The following IL1RAPL1 variants were observed in gnomAD, a reference collection of about 807,000 sequenced individuals.
The protein encoded by IL1RAPL1 is interleukin-1 receptor accessory protein-like 1.
A neutral mutation model predicts 48.4 loss-of-function variants in IL1RAPL1; 3 were observed. That is an observed-to-expected ratio of 0.06 (90% confidence interval 0.03 to 0.16). IL1RAPL1 has a LOEUF of 0.16. Among genes scored for constraint, IL1RAPL1 ranks in the 10% least tolerant of loss-of-function variants. The pLI is 1.00. For synonymous variants in IL1RAPL1, 185 were observed against 187.7 expected (o/e 0.99, Z 0.12); for missense variants, 349 against 530.6 (o/e 0.66, Z 3.36).
chrX:29,293,259 C>T (rs1250244101), intron 3 of IL1RAPL1, among the ~76,000 whole-genome samples: 2 of 108,375 alleles, frequency 1.8e-5, no homozygotes, highest in African/African-American at 6.7e-5. Context: ...CTAGGAAATA[C>T]ATGTCTTCAA....
At chrX:29,025,615 C>T (rs1199594065) in intron 2 of IL1RAPL1, among the ~76,000 whole-genome samples, 2 of 111,397 alleles carry the variant, frequency 1.8e-5, no homozygotes, top group African/African-American at 6.5e-5. Flanking sequence ...ACTTGAGTAT[C>T]CTTGAAATCC....
chrX:29,038,036 G>A (rs1926766547), intron 2 of IL1RAPL1, among the ~76,000 whole-genome samples: 2 of 110,291 alleles, frequency 1.8e-5, no homozygotes, highest in African/African-American at 6.6e-5. Flanking sequence ...GCTTCACTCT[G>A]CTCACACTCA....
intron 5 of IL1RAPL1, among the ~76,000 whole-genome samples, chrX:29,622,909 A>G (rs1045523832): frequency 1.8e-5 from 2 of 110,768 alleles, no homozygotes; most frequent in African/African-American, 3.3e-5. Flanking sequence ...TAGTTCTGTC[A>G]TTAGCTCTTT....
intron 2 of IL1RAPL1, among the ~76,000 whole-genome samples, chrX:28,798,944 A>C (rs886881937): frequency 1.8e-5 from 2 of 112,098 alleles, no homozygotes; most frequent in Admixed American, 1.9e-4. Flanking sequence ...TGCACTCCAC[A>C]CATATACTTT....
At position 29,605,458 on chromosome X, in the gene IL1RAPL1, ATT is replaced by A. The variant is rs367980309; in HGVS notation, c.704-62964_704-62963del. ...TTGTTATTGAGTATTATTCACCTAC[ATT>A]TTTTTTTAATGTGCTTGTTTGGTTT... On this transcript the variant is annotated intron_variant, in intron 5 of 10. Transcript: ENST00000378993. Among the ~76,000 whole-genome samples, 8 of 108,621 alleles carry A rather than the reference ATT, an allele frequency of 7.4e-5. No homozygotes were observed. The East Asian group carries it at 2.3e-3, about 31-fold the overall frequency. The allele number at this position is 108,621 out of a possible 115,157, so 94.3% of individuals were successfully genotyped here.
intron 2 of IL1RAPL1, among the ~76,000 whole-genome samples, chrX:29,104,793 C>T (rs1928415913): frequency 9.0e-6 from 1 of 111,124 alleles, no homozygotes; most frequent in Non-Finnish European, 1.9e-5. Flanking sequence ...AATCTAAAGG[C>T]AGGCATATGA....
At position 28,830,992 on chromosome X, in the gene IL1RAPL1, T is replaced by TTCTCTCTCTCTCTCTC. The variant is rs1160527555; in HGVS notation, c.82+41587_82+41602dup. Among the ~76,000 whole-genome samples, 51 of 16,045 alleles carry TTCTCTCTCTCTCTCTC rather than the reference T, an allele frequency of 3.2e-3. 1 individual carries two copies. The highest frequency in any genetic ancestry group is 4.1e-3 in the Non-Finnish European group (37 of 8,973). The allele number at this position is 16,045 out of a possible 115,157, so 13.9% of individuals were successfully genotyped here. On this transcript the variant is annotated intron_variant, in intron 2 of 10. Coordinates refer to ENST00000378993, the MANE Select transcript of IL1RAPL1 (RefSeq NM_014271.4). Reference sequence around the variant, plus strand: ...AATTCTCCCAACCTTTGCCCAGGGTTTCTCTCTCTCTCTCTCTCTCTCTCT... The same window carrying TTCTCTCTCTCTCTCTC: ...AATTCTCCCAACCTTTGCCCAGGGTTTCTCTCTCTCTCTCTCTCTCTCTCTCTCTCTCTCTCTCTCT...
chrX:29,419,573 G>A (rs1001507009), intron 5 of IL1RAPL1, among the ~76,000 whole-genome samples: 6 of 111,279 alleles, frequency 5.4e-5, no homozygotes, highest in Non-Finnish European at 7.5e-5. Context: ...CACCTGCCTC[G>A]GCCTCCCAAA....
At chrX:29,138,268 C>T (rs1929170687) in intron 2 of IL1RAPL1, among the ~76,000 whole-genome samples, 1 of 111,905 alleles carries the variant, frequency 8.9e-6, no homozygotes, top group African/African-American at 3.2e-5. Flanking sequence ...TCACCCTTTA[C>T]TGCATGATAT....
intron 2 of IL1RAPL1, among the ~76,000 whole-genome samples, chrX:28,945,903 A>ATG (rs202162763): frequency 0.4 from 38,870 of 97,377 alleles, 6,315 homozygotes; most frequent in Non-Finnish European, 0.47. Flanking sequence ...ATATATATAT[A>ATG]TGTGTGTGTG....
At position 29,449,501 on chromosome X, in the gene IL1RAPL1, T is replaced by C. The variant is rs770411442; in HGVS notation, c.703+50193T>C. Among the ~76,000 whole-genome samples, 3 of 110,774 alleles carry C rather than the reference T, an allele frequency of 2.7e-5. No homozygotes were observed. The South Asian group carries it at 1.2e-3, about 43-fold the overall frequency. On this transcript the variant is annotated intron_variant, in intron 5 of 10. Transcript: ENST00000378993. ...GTTCTAGATGTGTAACTAAAAGGAA[T>C]AATTTTAACCTGATTATTTTCATCA...
intron 5 of IL1RAPL1, among the ~76,000 whole-genome samples, chrX:29,622,229 G>A (rs1924485118): frequency 8.9e-6 from 1 of 112,084 alleles, no homozygotes. Context: ...GCCTGAATGT[G>A]TTATTGTATT....
chrX:29,909,645 CACAA>C (rs1932723531), intron 6 of IL1RAPL1, among the ~76,000 whole-genome samples: 3 of 111,612 alleles, frequency 2.7e-5, no homozygotes, highest in Non-Finnish European at 5.7e-5. Context: ...TCAGTGATGA[CACAA>C]ACAAATGGAA....
At chrX:29,057,253 C>T (rs1927235759) in intron 2 of IL1RAPL1, among the ~76,000 whole-genome samples, 1 of 110,919 alleles carries the variant, frequency 9.0e-6, no homozygotes, top group Non-Finnish European at 1.9e-5. Context: ...TTATTTTTAC[C>T]TAATGCAGTT....
At chrX:28,957,434 T>C (rs892396647) in intron 2 of IL1RAPL1, among the ~76,000 whole-genome samples, 29 of 111,856 alleles carry the variant, frequency 2.6e-4, no homozygotes, top group Non-Finnish European at 2.8e-4. Flanking sequence ...ATCAAGCGCT[T>C]CTCAAGATAT....
At chrX:28,969,846 CATATATGTTTCTAAACACATAT>C (rs1925013109) in intron 2 of IL1RAPL1, among the ~76,000 whole-genome samples, 4 of 61,244 alleles carry the variant, frequency 6.5e-5, no homozygotes, top group African/African-American at 1.3e-4. Flanking sequence ...TGTTTCTAAA[CATATATGTTTCTAAACACATAT>C]ATATATGTTT....
intron 5 of IL1RAPL1, among the ~76,000 whole-genome samples, chrX:29,664,133 G>A (rs1358331498): frequency 1.8e-5 from 2 of 112,119 alleles, no homozygotes; most frequent in Non-Finnish European, 3.8e-5. Flanking sequence ...GGCCGGGCGC[G>A]GTGGCTCACG....
At chrX:29,077,798 G>A (rs1434559711) in intron 2 of IL1RAPL1, among the ~76,000 whole-genome samples, 1 of 110,819 alleles carries the variant, frequency 9.0e-6, no homozygotes. Context: ...TTAGTTAGAG[G>A]CATGTTGCCT....
At chrX:29,602,737 A>T (rs1423258000) in intron 5 of IL1RAPL1, among the ~76,000 whole-genome samples, 1 of 112,900 alleles carries the variant, frequency 8.9e-6, no homozygotes, top group Non-Finnish European at 1.9e-5. Context: ...TCCCCTGGAA[A>T]TTCACAAAGA....
Sources: allele counts gnomAD v4.1 joint callset (sites outside exome capture counted in the v4.1 genomes callset), GRCh38; gene constraint gnomAD v4.1.1; transcripts MANE v1.5; gene names NCBI Gene and HGNC (gene_info 2026-07-23, HGNC 2026-07-21).